RNF17: variants seen among roughly 807,000 people sequenced by gnomAD.
The protein encoded by RNF17 is ring finger protein 17.
A neutral mutation model predicts 200.5 loss-of-function variants in RNF17; 31 were observed. The ratio of observed to expected loss-of-function variants is 0.15; its 90% confidence interval spans 0.12 to 0.21. RNF17 has a LOEUF of 0.21. Among genes scored for constraint, RNF17 ranks in the 10% least tolerant of loss-of-function variants. RNF17 has a pLI of 1.00. For missense variants in RNF17, 1,628 were observed against 1,905.1 expected, an observed-to-expected ratio of 0.85 and a Z score of 2.71; for synonymous variants, 606 against 637.8, an observed-to-expected ratio of 0.95 and a Z score of 0.75.
At chr13:24,793,447 G>A (rs1365605360) in intron 10 of RNF17, 101 bp downstream of exon 10, 1 of 1,085,366 alleles carries the variant, frequency 9.2e-7, no homozygotes, top group African/African-American at 1.6e-5. Flanking sequence ...TATAATTGCT[G>A]TTATAATCTT....
Position 24,831,939 on chromosome 13 carries a change from GA to G in RNF17, c.2447del (p.Lys816ArgfsTer7). 6.2e-7 allele frequency: 1 copy of G among 1,601,788 alleles called. No homozygotes were observed. The highest frequency in any genetic ancestry group is 1.7e-4 in the Middle Eastern group (1 of 5,984). On this transcript the variant is annotated frameshift_variant, in exon 18 of 36. Transcript: ENST00000255324. LOFTEE classifies it high-confidence loss of function. ...CAAAGAAGCTAAAGAAAAATTTGAAGAAAAGGCTCAAGATAAATTTATGACA... is the reference window on the plus strand; with the variant it reads ...CAAAGAAGCTAAAGAAAAATTTGAAGAAAGGCTCAAGATAAATTTATGACA... ...WSKEAKEKFE[E>X]KAQDKFMTCS...
intron 22 of RNF17, among the ~76,000 whole-genome samples, chr13:24,847,789 G>C (rs1468288033): frequency 6.6e-6 from 1 of 152,080 alleles, no homozygotes; most frequent in African/African-American, 2.4e-5. Context: ...TGTGATCACT[G>C]ATGGTGACAA....
rs114533533 is a variant in RNF17, at chr13:24,819,686, C to T, written c.2092-5933C>T. Among the ~76,000 whole-genome samples, 659 of 152,292 alleles carry T rather than the reference C, an allele frequency of 4.3e-3. 4 individuals are homozygous for T. The highest frequency in any genetic ancestry group is 0.015 in the African/African-American group (626 of 41,550). ...TATTTTTGATGTCACAAATTAATCT[C>T]TATACTGTGTGCTCAATAACATAGA... is the stretch of plus-strand genomic sequence containing the variant. On this transcript the variant is annotated intron_variant, in intron 15 of 35. Coordinates refer to ENST00000255324, the MANE Select transcript of RNF17 (RefSeq NM_031277.3).
chr13:24,862,179 A>G (rs1229326362), intron 27 of RNF17, among the ~76,000 whole-genome samples: 1 of 152,170 alleles, frequency 6.6e-6, no homozygotes, highest in African/African-American at 2.4e-5. Flanking sequence ...GACACAGCCA[A>G]ACCATATCAT....
chr13:24,881,669 ATATC>A (rs148395444), downstream of RNF17, among the ~76,000 whole-genome samples: 727 of 150,038 alleles, frequency 4.8e-3, 7 homozygotes, highest in Middle Eastern at 3.6e-3. Flanking sequence ...TAACCTATAT[ATATC>A]TATCTAGATT....
At chr13:24,859,750 A>C in intron 26 of RNF17, among the ~76,000 whole-genome samples, 1 of 152,132 alleles carries the variant, frequency 6.6e-6, no homozygotes, top group East Asian at 1.9e-4. Context: ...AACTTAAGTG[A>C]AAAAGTCTTT....
chr13:24,873,402 A>G (rs1894509008), intron 32 of RNF17, among the ~76,000 whole-genome samples: 1 of 152,202 alleles, frequency 6.6e-6, no homozygotes, highest in African/African-American at 2.4e-5. Context: ...TATATTTGTT[A>G]CATTTTCTTC....
At chr13:24,758,247 T>C in the RNF17 span, among the ~76,000 whole-genome samples, 9 of 152,312 alleles carry the variant, frequency 5.9e-5, no homozygotes, top group Admixed American at 5.2e-4. Context: ...CTTTGTCCCT[T>C]TCCATCTGCC....
At chr13:24,800,069 G>T (rs1885063262) in intron 12 of RNF17, among the ~76,000 whole-genome samples, 1 of 152,100 alleles carries the variant, frequency 6.6e-6, no homozygotes, top group African/African-American at 2.4e-5. Flanking sequence ...AATGGTTATA[G>T]CTTTATGAAT....
At chr13:24,758,693 G>T in the RNF17 span, among the ~76,000 whole-genome samples, 1 of 152,040 alleles carries the variant, frequency 6.6e-6, no homozygotes, top group Non-Finnish European at 1.5e-5. Flanking sequence ...AAGAAGAAAA[G>T]GTTGATTTTT....
chr13:24,806,705 A>G (rs993012682), intron 15 of RNF17, among the ~76,000 whole-genome samples: 4 of 151,948 alleles, frequency 2.6e-5, no homozygotes, highest in Non-Finnish European at 4.4e-5. Flanking sequence ...TGTGCAGGTT[A>G]GTTACATATG....
chr13:24,886,371 G>GCGGCTGTGCTGTGCCTGTGAGA, the RNF17 span: 7 of 1,289,060 alleles, frequency 5.4e-6, no homozygotes, highest in East Asian at 3.9e-4. Context: ...GGCGTGTGAG[G>GCGGCTGTGCTGTGCCTGTGAGA]CGGCTGTGCT....
Position 24,850,392 on chromosome 13 carries a change from A to G in RNF17, c.3153A>G (p.Ser1051=), listed in dbSNP as rs765695392. The change falls in exon 23 of 36, where the codon TCA becomes TCG. Residue 1051 remains serine, a synonymous_variant. Transcript: ENST00000255324. ...CAGCAACAGCTTGTGACTGTCTTTC[A>G]TTGTACCTGACTGGAGCTGTAGCAA... is the stretch of plus-strand genomic sequence containing the variant. ...KWTATACDCL[S]LYLTGAVATI... 14 of 1,613,738 alleles carry G rather than the reference A, an allele frequency of 8.7e-6. No homozygotes were observed. Among genetic ancestry groups the G allele is most frequent in the Non-Finnish European group, 1.2e-5 (14 of 1,179,834 alleles).
the RNF17 span, among the ~76,000 whole-genome samples, chr13:24,888,032 C>T: frequency 6.6e-6 from 1 of 152,088 alleles, no homozygotes; most frequent in Non-Finnish European, 1.5e-5. Flanking sequence ...GTGGTGGTAA[C>T]CCGAGTATTT....
upstream of RNF17, among the ~76,000 whole-genome samples, chr13:24,762,381 AAAAAAAAAAAAAG>A (rs1878839837): frequency 6.6e-6 from 1 of 150,790 alleles, no homozygotes; most frequent in East Asian, 1.9e-4. Context: ...AAAAAAAAAA[AAAAAAAAAAAAAG>A]AGAATATGAA....
Position 24,879,189 on chromosome 13 carries a change from T to G in RNF17, c.4776T>G (p.Ala1592=). Residue 1592 remains alanine, a splice_region_variant and synonymous_variant, in exon 35 of 36, where the codon GCT becomes GCG. Transcript: ENST00000255324. Reference sequence around the variant, plus strand: ...ACAACTGTATCTTTTAATTTTAGGCTCCAGCACCAGAACAGATAGTGACAT... The same window carrying G: ...ACAACTGTATCTTTTAATTTTAGGCGCCAGCACCAGAACAGATAGTGACAT... ...QGKQLYAVSM[A]PAPEQIVTLY... 6.2e-7 allele frequency: 1 copy of G among 1,611,096 alleles called. No individual in the cohort carries two copies. The highest frequency in any genetic ancestry group is 8.5e-7 in the Non-Finnish European group (1 of 1,177,492).
At chr13:24,874,446 G>A (rs1203957744) in intron 33 of RNF17, among the ~76,000 whole-genome samples, 197 bp downstream of exon 33, 1 of 139,406 alleles carries the variant, frequency 7.2e-6, no homozygotes, top group Non-Finnish European at 1.5e-5. Flanking sequence ...GTCTTGCTCT[G>A]TTGCCCAGGC....
downstream of RNF17, chr13:24,882,985 A>G: frequency 1.7e-6 from 1 of 600,900 alleles, no homozygotes. Flanking sequence ...AAGACAGGGT[A>G]GTGAATTATA....
chr13:24,854,616 G>A (rs1892271081), intron 25 of RNF17, among the ~76,000 whole-genome samples: 1 of 152,034 alleles, frequency 6.6e-6, no homozygotes, highest in African/African-American at 2.4e-5. Flanking sequence ...AGAACCTTGA[G>A]CAACTGTGAT....
Sources: allele counts gnomAD v4.1 joint callset (sites outside exome capture counted in the v4.1 genomes callset), GRCh38; gene constraint gnomAD v4.1.1; transcripts MANE v1.5; gene names NCBI Gene and HGNC (gene_info 2026-07-23, HGNC 2026-07-21).